The following PDE8A variants were observed in gnomAD, a reference collection of about 807,000 sequenced individuals.
PDE8A encodes the protein high affinity cAMP-specific and IBMX-insensitive 3',5'-cyclic phosphodiesterase 8A.
PDE8A carries 59 observed loss-of-function variants against 105.0 expected under a neutral mutation model. The ratio of observed to expected loss-of-function variants is 0.56; its 90% CI spans 0.46 to 0.70. PDE8A has a LOEUF of 0.70. PDE8A is among the 30% of genes least tolerant of loss of function. The pLI, the probability that PDE8A is intolerant of heterozygous loss-of-function variation, is 0.00. For synonymous variants in PDE8A, 355 were observed against 371.9 expected (o/e 0.95, Z 0.52); for missense variants, 1,014 against 1,045.9 (o/e 0.97, Z 0.42).
chr15:85,017,860 C>G (rs923397543), intron 1 of PDE8A, among the ~76,000 whole-genome samples: 1 of 112,662 alleles, frequency 8.9e-6, no homozygotes, highest in African/African-American at 3.4e-5. Flanking sequence ...GCACTCCAGC[C>G]TGAGCAACAG....
At chr15:85,020,390 G>T (rs1005007125) in intron 1 of PDE8A, among the ~76,000 whole-genome samples, 1 of 152,142 alleles carries the variant, frequency 6.6e-6, no homozygotes, top group Non-Finnish European at 1.5e-5. Context: ...GATTACCTGA[G>T]GTCAGGAGTT....
At chr15:84,981,485 G>C (rs1468276583), upstream of PDE8A, among the ~76,000 whole-genome samples, 1 of 152,200 alleles carries the variant, frequency 6.6e-6, no homozygotes, top group Admixed American at 6.5e-5. Flanking sequence ...GAGCCGAGCT[G>C]CTCCCCTCCC....
intron 12 of PDE8A, among the ~76,000 whole-genome samples, chr15:85,111,621 C>G (rs1272821649): frequency 1.3e-5 from 2 of 152,156 alleles, no homozygotes; most frequent in Non-Finnish European, 2.9e-5. Flanking sequence ...TATCTGATAC[C>G]TGGTAGTAGG....
chr15:85,130,882 C>T (rs1234909218), intron 20 of PDE8A, among the ~76,000 whole-genome samples: 1 of 152,142 alleles, frequency 6.6e-6, no homozygotes, highest in African/African-American at 2.4e-5. Context: ...GCCTCAGCCT[C>T]CTGAGTAGCT....
chr15:85,018,961 A>G (rs1220082978), intron 1 of PDE8A, among the ~76,000 whole-genome samples: 1 of 152,164 alleles, frequency 6.6e-6, no homozygotes, highest in Non-Finnish European at 1.5e-5. Flanking sequence ...TGTTTTAAAA[A>G]TGGATTTTGG....
rs532428677 is a variant in PDE8A at position 84,985,532 on chromosome 15, G to A, written c.186+3184G>A. On this transcript the variant is annotated intron_variant, in intron 1 of 21. Transcript: ENST00000394553. Reference sequence around the variant, plus strand: ...GCCAGGACTTGAGTTGCCCTTGAAAGATTTGCATGTAGTGTTAGAGACCCT... The same window carrying A: ...GCCAGGACTTGAGTTGCCCTTGAAAAATTTGCATGTAGTGTTAGAGACCCT... 3.9e-5 allele frequency among the ~76,000 whole-genome samples: 6 copies of A among 152,154 alleles called. No individual in the cohort carries two copies. The South Asian group carries it at 1.2e-3, about 32-fold the overall frequency.
At chr15:85,008,183 T>C (rs2080179048) in intron 1 of PDE8A, among the ~76,000 whole-genome samples, 1 of 152,012 alleles carries the variant, frequency 6.6e-6, no homozygotes, top group South Asian at 2.1e-4. Flanking sequence ...TCTGGGCAGC[T>C]GTGGCCTTTG....
At chr15:85,019,672 C>G (rs148901912) in intron 1 of PDE8A, among the ~76,000 whole-genome samples, 135 of 152,174 alleles carry the variant, frequency 8.9e-4, no homozygotes, top group African/African-American at 3.1e-3. Flanking sequence ...CTCTACCTCC[C>G]AGGTTCAAGT....
chr15:85,043,781 T>A (rs1422472018), intron 1 of PDE8A, among the ~76,000 whole-genome samples: 1 of 152,142 alleles, frequency 6.6e-6, no homozygotes, highest in African/African-American at 2.4e-5. Context: ...CACTGCAACC[T>A]CTGCCTCCCG....
At chr15:85,128,572 C>T (rs2082290113) in intron 20 of PDE8A, among the ~76,000 whole-genome samples, 1 of 152,146 alleles carries the variant, frequency 6.6e-6, no homozygotes, top group Non-Finnish European at 1.5e-5. Context: ...AAAGTTTGCT[C>T]ATTCAAAACA....
chr15:85,050,892 G>A (rs2080962726), intron 1 of PDE8A, among the ~76,000 whole-genome samples: 1 of 152,150 alleles, frequency 6.6e-6, no homozygotes, highest in Non-Finnish European at 1.5e-5. Context: ...TCTATAGATT[G>A]CTCTGAGTAG....
At chr15:85,076,364 A>G (rs534836684) in intron 4 of PDE8A, among the ~76,000 whole-genome samples, 7 of 152,086 alleles carry the variant, frequency 4.6e-5, no homozygotes, top group South Asian at 2.1e-4. Context: ...AAATGTTTCT[A>G]TGTACTTTAA....
chr15:85,009,059 C>A (rs1437066945), intron 1 of PDE8A, among the ~76,000 whole-genome samples: 2 of 151,374 alleles, frequency 1.3e-5, no homozygotes, highest in African/African-American at 2.4e-5. Flanking sequence ...AACTTCTGAC[C>A]TTTTTCTTCA....
At chr15:85,058,957 G>T (rs934506756) in intron 1 of PDE8A, among the ~76,000 whole-genome samples, 2 of 151,776 alleles carry the variant, frequency 1.3e-5, no homozygotes, top group Non-Finnish European at 2.9e-5. Context: ...TCTTTTTCTA[G>T]TTCCCTAAAT....
intron 1 of PDE8A, among the ~76,000 whole-genome samples, chr15:85,012,704 T>C (rs1470864352): frequency 1.3e-5 from 2 of 150,138 alleles, no homozygotes; most frequent in Non-Finnish European, 3.0e-5. Flanking sequence ...ATAATAATAA[T>C]AGAATAAAAA....
intron 3 of PDE8A, among the ~76,000 whole-genome samples, chr15:85,070,558 CAGG>C (rs1043683527): frequency 2.0e-5 from 3 of 152,158 alleles, no homozygotes; most frequent in African/African-American, 7.2e-5. Flanking sequence ...AAAGGATGAG[CAGG>C]AGTTTTGAAA....
At chr15:85,127,924 G>C (rs1329289233) in intron 20 of PDE8A, among the ~76,000 whole-genome samples, 1 of 151,888 alleles carries the variant, frequency 6.6e-6, no homozygotes, top group Non-Finnish European at 1.5e-5. Flanking sequence ...GTGTGGTGCT[G>C]GCATAAAGAT....
chr15:85,079,517 C>A (rs1466510210), intron 5 of PDE8A, among the ~76,000 whole-genome samples: 2 of 152,138 alleles, frequency 1.3e-5, no homozygotes, highest in African/African-American at 4.8e-5. Context: ...TCCAAAATAA[C>A]AAGAGGAAAT....
chr15:85,033,240 C>T (rs2080645810), intron 1 of PDE8A, among the ~76,000 whole-genome samples: 1 of 152,176 alleles, frequency 6.6e-6, no homozygotes, highest in Non-Finnish European at 1.5e-5. Context: ...AAACCAAATG[C>T]TTCATTTGAA....
Sources: gnomAD v4.1 joint callset for allele counts (sites outside exome capture counted in the v4.1 genomes callset) on GRCh38, gnomAD v4.1.1 for gene constraint, MANE v1.5 for transcripts, NCBI Gene and HGNC (gene_info 2026-07-23, HGNC 2026-07-21) for gene names.